Variants in ARHGAP26 observed in about 807,000 individuals in gnomAD.
The protein encoded by ARHGAP26 is rho GTPase-activating protein 26.
ARHGAP26 carries 38 observed loss-of-function variants against 104.8 expected under a neutral mutation model. The observed-to-expected ratio is 0.36, with a 90% CI of 0.28 to 0.48. ARHGAP26 has a LOEUF of 0.48. ARHGAP26 is among the 20% of genes least tolerant of loss of function. The pLI, the probability that ARHGAP26 is intolerant of heterozygous loss-of-function variation, is 0.99. For missense variants in ARHGAP26, 704 were observed against 947.9 expected, an observed-to-expected ratio of 0.74 and a Z score of 3.38; for synonymous variants, 341 against 340.0, an observed-to-expected ratio of 1.00 and a Z score of -0.03.
chr5:143,045,139 A>G (rs1784045303), intron 14 of ARHGAP26, among the ~76,000 whole-genome samples: 1 of 152,228 alleles, frequency 6.6e-6, no homozygotes, highest in Non-Finnish European at 1.5e-5. Context: ...CCTTCACACA[A>G]GATATTTGTC....
intron 1 of ARHGAP26, among the ~76,000 whole-genome samples, chr5:142,773,786 T>C (rs6894433): frequency 0.16 from 23,948 of 152,118 alleles, 4,077 homozygotes; most frequent in African/African-American, 0.42. Context: ...TTATCAGTGA[T>C]TGTCTTTTCA....
At chr5:143,062,203 A>G (rs1475874656) in intron 17 of ARHGAP26, among the ~76,000 whole-genome samples, 2 of 152,252 alleles carry the variant, frequency 1.3e-5, no homozygotes, top group African/African-American at 4.8e-5. Context: ...GTACATCTGC[A>G]GTGTGGGCAC....
rs527796987 is a variant in ARHGAP26, at chr5:143,118,948, A to G, written c.1539-2040A>G. Among the ~76,000 whole-genome samples the G allele has an allele frequency of 1.2e-3, 188 of 151,450 alleles. 1 individual carries two copies. The highest frequency in any genetic ancestry group is 3.2e-3 in the Admixed American group (49 of 15,258). On this transcript the variant is annotated intron_variant, in intron 17 of 22. Transcript: ENST00000645722. ...AAAACTTAAAAGTATAATAATAAAA[A>G]AAAAAAAAGAAAGAAGAAAGAAAAA...
At chr5:143,194,800 C>T (rs1212158697) in intron 20 of ARHGAP26, among the ~76,000 whole-genome samples, 1 of 152,140 alleles carries the variant, frequency 6.6e-6, no homozygotes, top group Non-Finnish European at 1.5e-5. Context: ...AGTCAATAAG[C>T]TCCTCAGAAC....
intron 11 of ARHGAP26, among the ~76,000 whole-genome samples, chr5:142,963,196 A>ATGTGTGTGTGTGTGTGTGTGTGTGTG (rs1381593823): frequency 9.9e-6 from 1 of 100,750 alleles, no homozygotes; most frequent in African/African-American, 6.7e-5. Flanking sequence ...ATATATATAT[A>ATGTGTGTGTGTGTGTGTGTGTGTGTG]TATGTGTGTG....
chr5:142,996,648 C>T (rs1776440332), intron 11 of ARHGAP26, among the ~76,000 whole-genome samples: 1 of 152,024 alleles, frequency 6.6e-6, no homozygotes, highest in East Asian at 1.9e-4. Flanking sequence ...CTTGAGAAAC[C>T]CTTCTTGGTG....
intron 1 of ARHGAP26, among the ~76,000 whole-genome samples, chr5:142,788,345 T>C (rs991194286): frequency 6.6e-6 from 1 of 152,136 alleles, no homozygotes; most frequent in African/African-American, 2.4e-5. Context: ...CTCTGCTTGC[T>C]TCCCGACTCC....
intron 17 of ARHGAP26, among the ~76,000 whole-genome samples, chr5:143,069,974 T>C (rs960777804): frequency 1.3e-5 from 2 of 152,218 alleles, no homozygotes; most frequent in African/African-American, 4.8e-5. Flanking sequence ...CTTCACAGCA[T>C]GTCTTCAGAT....
At chr5:143,057,848 A>G (rs1380426082) in intron 17 of ARHGAP26, 101 bp downstream of exon 17, 5 of 967,258 alleles carry the variant, frequency 5.2e-6, no homozygotes, top group Middle Eastern at 2.1e-4. Flanking sequence ...CTCTCCCACT[A>G]TTGCATCAGG....
intron 11 of ARHGAP26, among the ~76,000 whole-genome samples, chr5:142,948,934 A>G (rs969279933): frequency 2.2e-4 from 33 of 151,780 alleles, no homozygotes; most frequent in African/African-American, 6.8e-4. Flanking sequence ...GTGAAATCCC[A>G]TCTCTACTAA....
intron 11 of ARHGAP26, among the ~76,000 whole-genome samples, chr5:143,001,885 A>G (rs946483857): frequency 1.3e-5 from 2 of 152,194 alleles, no homozygotes; most frequent in African/African-American, 4.8e-5. Context: ...TGGCATCAAG[A>G]TTATTTTTGG....
chr5:143,045,691 T>C (rs1006787500), intron 14 of ARHGAP26, among the ~76,000 whole-genome samples: 65 of 152,348 alleles, frequency 4.3e-4, no homozygotes, highest in African/African-American at 1.5e-3. Flanking sequence ...TGGAGTAGTA[T>C]GTTTTGGTTA....
chr5:143,200,352 T>C (rs1807508457), intron 20 of ARHGAP26, among the ~76,000 whole-genome samples: 1 of 152,192 alleles, frequency 6.6e-6, no homozygotes, highest in Non-Finnish European at 1.5e-5. Context: ...AAGGAAACAA[T>C]TGAGACACTG....
intron 9 of ARHGAP26, among the ~76,000 whole-genome samples, chr5:142,910,200 AC>A (rs1454586334): frequency 1.3e-5 from 2 of 152,064 alleles, no homozygotes; most frequent in East Asian, 3.9e-4. Context: ...TCCTCCTTTT[AC>A]AAAGGAGGAC....
chr5:142,822,188 C>A (rs1052148388), intron 1 of ARHGAP26, among the ~76,000 whole-genome samples: 2 of 152,146 alleles, frequency 1.3e-5, no homozygotes, highest in Non-Finnish European at 2.9e-5. Context: ...CTCCATCTTT[C>A]TATCACACTA....
intron 17 of ARHGAP26, among the ~76,000 whole-genome samples, chr5:143,116,487 T>C (rs1795461996): frequency 6.6e-6 from 1 of 152,340 alleles, no homozygotes; most frequent in African/African-American, 2.4e-5. Context: ...TGGAATACTT[T>C]AGGACCAGTC....
intron 1 of ARHGAP26, among the ~76,000 whole-genome samples, chr5:142,793,481 C>T (rs898173469): frequency 6.6e-6 from 1 of 151,974 alleles, no homozygotes; most frequent in South Asian, 2.1e-4. Context: ...GAGAGTTGAA[C>T]CCCTTCAGGT....
At chr5:143,064,882 C>T (rs1787264224) in intron 17 of ARHGAP26, among the ~76,000 whole-genome samples, 1 of 152,192 alleles carries the variant, frequency 6.6e-6, no homozygotes, top group Non-Finnish European at 1.5e-5. Flanking sequence ...ATGTAACGCC[C>T]ATTCTGAAAG....
intron 1 of ARHGAP26, among the ~76,000 whole-genome samples, chr5:142,793,735 G>A (rs529400040): frequency 6.6e-6 from 1 of 152,048 alleles, no homozygotes; most frequent in African/African-American, 2.4e-5. Context: ...TTACAGATGT[G>A]CGCCACCATG....
Sources: gnomAD v4.1 joint callset for allele counts (sites outside exome capture counted in the v4.1 genomes callset) on GRCh38, gnomAD v4.1.1 for gene constraint, MANE v1.5 for transcripts, NCBI Gene and HGNC (gene_info 2026-07-23, HGNC 2026-07-21) for gene names.